ADAMTS6: variants seen among roughly 807,000 people sequenced by gnomAD.
The protein encoded by ADAMTS6 is ADAM metallopeptidase with thrombospondin type 1 motif 6, also known as A disintegrin and metalloproteinase with thrombospondin motifs 6.
ADAMTS6 carries 23 observed loss-of-function variants against 144.3 expected under a neutral mutation model. The ratio of observed to expected loss-of-function variants is 0.16; its 90% CI spans 0.11 to 0.23. The LOEUF is 0.23. Ranked by LOEUF, ADAMTS6 falls within the 10% of genes least tolerant of loss-of-function variation. The pLI is 1.00. For synonymous variants in ADAMTS6, 444 were observed against 457.5 expected, an observed-to-expected ratio of 0.97 and a Z score of 0.38; for missense variants, 999 against 1,379.6, an observed-to-expected ratio of 0.72 and a Z score of 4.37.
At chr5:65,474,653 G>A (rs1048404927) in intron 1 of ADAMTS6, among the ~76,000 whole-genome samples, 18 of 151,890 alleles carry the variant, frequency 1.2e-4, no homozygotes, top group Non-Finnish European at 2.2e-4. Context: ...TACTTTACAT[G>A]CAACTAACAA....
intron 7 of ADAMTS6, among the ~76,000 whole-genome samples, chr5:65,411,330 G>T (rs1755031944): frequency 6.6e-6 from 1 of 152,076 alleles, no homozygotes; most frequent in South Asian, 2.1e-4. Flanking sequence ...GGAGCCTATG[G>T]CAGTTCTATT....
chr5:65,350,148 T>C (rs935240001), intron 7 of ADAMTS6, among the ~76,000 whole-genome samples: 3 of 152,226 alleles, frequency 2.0e-5, no homozygotes, highest in South Asian at 2.1e-4. Context: ...TAAGTATCTA[T>C]AGTGTTGTAA....
intron 20 of ADAMTS6, among the ~76,000 whole-genome samples, chr5:65,200,201 AT>A (rs202246205): frequency 6.6e-6 from 1 of 151,688 alleles, no homozygotes; most frequent in Non-Finnish European, 1.5e-5. Context: ...AGGTTTACAG[AT>A]TTTTTTTTCT....
chr5:65,264,247 C>G (rs1761434748), intron 12 of ADAMTS6, among the ~76,000 whole-genome samples: 2 of 152,182 alleles, frequency 1.3e-5, no homozygotes, highest in African/African-American at 2.4e-5. Flanking sequence ...TTCCATAACA[C>G]TGATCAACAG....
chr5:65,215,867 T>G (rs559735402), intron 18 of ADAMTS6, among the ~76,000 whole-genome samples: 2 of 152,218 alleles, frequency 1.3e-5, no homozygotes, highest in African/African-American at 4.8e-5. Flanking sequence ...CCTGTTGCAC[T>G]TGGACACAGA....
chr5:65,426,189 G>A (rs543295102), intron 7 of ADAMTS6, among the ~76,000 whole-genome samples: 54 of 151,546 alleles, frequency 3.6e-4, no homozygotes, highest in Non-Finnish European at 5.7e-4. Flanking sequence ...TGGGATTACA[G>A]GCACCTGCCA....
At chr5:65,192,895 G>A (rs185040977) in intron 21 of ADAMTS6, among the ~76,000 whole-genome samples, 1 of 151,704 alleles carries the variant, frequency 6.6e-6, no homozygotes, top group African/African-American at 2.4e-5. Flanking sequence ...TTCTCTATAA[G>A]GACAAATCTT....
chr5:65,424,265 C>G (rs1233230251), intron 7 of ADAMTS6, among the ~76,000 whole-genome samples: 1 of 152,072 alleles, frequency 6.6e-6, no homozygotes, highest in Non-Finnish European at 1.5e-5. Context: ...TTCTGAAACC[C>G]TCTGTTCCCC....
At chr5:65,425,683 T>C (rs1756448609) in intron 7 of ADAMTS6, among the ~76,000 whole-genome samples, 1 of 152,212 alleles carries the variant, frequency 6.6e-6, no homozygotes, top group Non-Finnish European at 1.5e-5. Flanking sequence ...TCCTAGGACA[T>C]TATTATCTTA....
intron 7 of ADAMTS6, among the ~76,000 whole-genome samples, chr5:65,393,185 G>A (rs375722572): frequency 6.6e-6 from 1 of 152,054 alleles, no homozygotes; most frequent in African/African-American, 2.4e-5. Context: ...TACTCTCTAG[G>A]CTTAAAATAT....
chr5:65,342,928 A>G (rs1302505930), intron 7 of ADAMTS6, among the ~76,000 whole-genome samples: 2 of 152,154 alleles, frequency 1.3e-5, no homozygotes, highest in Non-Finnish European at 2.9e-5. Context: ...AAAAAAATCC[A>G]GAAGACAATC....
chr5:65,383,609 A>G (rs1436845846), intron 7 of ADAMTS6, among the ~76,000 whole-genome samples: 1 of 152,122 alleles, frequency 6.6e-6, no homozygotes, highest in Non-Finnish European at 1.5e-5. Flanking sequence ...TGAAGCCCAC[A>G]CTGCAGCTCT....
chr5:65,369,756 C>T (rs1750667245), intron 7 of ADAMTS6, among the ~76,000 whole-genome samples: 1 of 152,066 alleles, frequency 6.6e-6, no homozygotes, highest in South Asian at 2.1e-4. Context: ...TTATTAGCAA[C>T]CTATATGAAT....
At chr5:65,340,291 A>T (rs1288419608) in intron 7 of ADAMTS6, among the ~76,000 whole-genome samples, 1 of 152,136 alleles carries the variant, frequency 6.6e-6, no homozygotes, top group Non-Finnish European at 1.5e-5. Context: ...TCCTTCAGAA[A>T]TTTAAAAAAA....
At chr5:65,420,217 C>G (rs1357601791) in intron 7 of ADAMTS6, among the ~76,000 whole-genome samples, 1 of 152,122 alleles carries the variant, frequency 6.6e-6, no homozygotes, top group Non-Finnish European at 1.5e-5. Context: ...GAAACCAACC[C>G]CATGATTCAA....
intron 21 of ADAMTS6, 84 bp from the exon 22 acceptor site, chr5:65,188,304 GA>G (rs1422804509): frequency 8.0e-7 from 1 of 1,248,922 alleles, no homozygotes; most frequent in Non-Finnish European, 1.2e-6. Context: ...CACTTTCACT[GA>G]TGGACTACGA....
chr5:65,336,904 A>C (rs548702490), intron 7 of ADAMTS6, among the ~76,000 whole-genome samples: 2 of 152,198 alleles, frequency 1.3e-5, no homozygotes, highest in African/African-American at 4.8e-5. Context: ...AAAAAAATTT[A>C]TATGTGGCTA....
intron 7 of ADAMTS6, among the ~76,000 whole-genome samples, chr5:65,336,546 G>A (rs773980190): frequency 2.0e-5 from 3 of 151,916 alleles, no homozygotes; most frequent in Non-Finnish European, 4.4e-5. Context: ...TCAATGGTTT[G>A]GAGTATTAGG....
intron 22 of ADAMTS6, 117 bp downstream of exon 22, chr5:65,187,899 T>C: frequency 4.8e-6 from 5 of 1,044,060 alleles, no homozygotes; most frequent in Non-Finnish European, 5.6e-6. Flanking sequence ...ATGGTCACTG[T>C]TACACAGCCC....
Sources: allele counts gnomAD v4.1 joint callset (sites outside exome capture counted in the v4.1 genomes callset), GRCh38; gene constraint gnomAD v4.1.1; transcripts MANE v1.5; gene names NCBI Gene and HGNC (gene_info 2026-07-23, HGNC 2026-07-21).